Variants in ENTREP2 observed in about 807,000 individuals in gnomAD.
ENTREP2 encodes the protein protein ENTREP2.
chr15:29,375,985 A>G, the ENTREP2 span: 2 of 152,224 alleles, frequency 1.3e-5, no homozygotes, highest in Non-Finnish European at 2.9e-5. Context: ...CAGATCCCTC[A>G]AACAATGTAA....
the ENTREP2 span, among the ~76,000 whole-genome samples, chr15:29,251,485 G>A: frequency 1.3e-5 from 2 of 152,180 alleles, no homozygotes; most frequent in Non-Finnish European, 1.5e-5. Flanking sequence ...TTCGAATGAG[G>A]CCCAACACAA....
chr15:29,217,816 T>A, the ENTREP2 span, among the ~76,000 whole-genome samples: 2 of 151,882 alleles, frequency 1.3e-5, no homozygotes, highest in African/African-American at 4.8e-5. Context: ...TTTTTGGGGG[T>A]GTTAAAGTTT....
chr15:29,331,560 T>G, the ENTREP2 span, among the ~76,000 whole-genome samples: 2 of 152,198 alleles, frequency 1.3e-5, no homozygotes, highest in Non-Finnish European at 2.9e-5. Context: ...TATGTGCAAC[T>G]GACAGAATTA....
the ENTREP2 span, among the ~76,000 whole-genome samples, chr15:29,154,628 A>C: frequency 6.6e-6 from 1 of 152,220 alleles, no homozygotes; most frequent in African/African-American, 2.4e-5. Context: ...AGGGGTTGGC[A>C]AGTGCTCAAG....
At chr15:29,321,649 C>CAAA in the ENTREP2 span, among the ~76,000 whole-genome samples, 1 of 64,376 alleles carries the variant, frequency 1.6e-5, no homozygotes, top group Admixed American at 1.8e-4. Context: ...GACTCTGTCT[C>CAAA]AAAAAAAAAA....
the ENTREP2 span, among the ~76,000 whole-genome samples, chr15:29,595,481 C>T: frequency 1.2e-4 from 18 of 152,234 alleles, 1 homozygote; most frequent in South Asian, 3.5e-3. Context: ...CTGTTTTTCT[C>T]CCTAATGTTC....
At chr15:29,330,067 T>G in the ENTREP2 span, among the ~76,000 whole-genome samples, 2 of 152,164 alleles carry the variant, frequency 1.3e-5, no homozygotes, top group Non-Finnish European at 2.9e-5. Context: ...ACTCCCTCAG[T>G]GATCACCTGG....
the ENTREP2 span, chr15:29,570,431 G>A: frequency 4.1e-6 from 4 of 982,672 alleles, no homozygotes; most frequent in East Asian, 8.3e-5. Flanking sequence ...GTGGCGTCCC[G>A]GCGGCCGCAG....
the ENTREP2 span, among the ~76,000 whole-genome samples, chr15:29,343,253 T>C: frequency 6.6e-6 from 1 of 152,302 alleles, no homozygotes; most frequent in Non-Finnish European, 1.5e-5. Flanking sequence ...AGTCTAGATG[T>C]TGCTGTGGCT....
chr15:29,313,495 A>G, the ENTREP2 span, among the ~76,000 whole-genome samples: 1 of 152,162 alleles, frequency 6.6e-6, no homozygotes, highest in South Asian at 2.1e-4. Flanking sequence ...TGCTAAATCT[A>G]TTTCACCTGT....
chr15:29,558,393 A>C, the ENTREP2 span, among the ~76,000 whole-genome samples: 4 of 151,926 alleles, frequency 2.6e-5, no homozygotes, highest in African/African-American at 9.7e-5. Flanking sequence ...AAACATGCTT[A>C]ATCTCTGCAG....
chr15:29,410,962 T>G, the ENTREP2 span, among the ~76,000 whole-genome samples: 1 of 152,152 alleles, frequency 6.6e-6, no homozygotes, highest in Non-Finnish European at 1.5e-5. Context: ...ATTTTTTTAT[T>G]TTTAGTAGAG....
chr15:29,170,239 T>C, the ENTREP2 span, among the ~76,000 whole-genome samples: 86,235 of 142,656 alleles, frequency 0.6, 27,788 homozygotes, highest in Non-Finnish European at 0.71. Context: ...ACCCGGGAGG[T>C]GGAGCTTGCA....
the ENTREP2 span, among the ~76,000 whole-genome samples, chr15:29,646,441 G>C: frequency 2.5e-4 from 38 of 152,268 alleles, no homozygotes; most frequent in Non-Finnish European, 5.0e-4. Context: ...TCAGCTAGGG[G>C]TGAAGAGCCA....
the ENTREP2 span, among the ~76,000 whole-genome samples, chr15:29,611,399 G>T: frequency 1.3e-5 from 2 of 151,994 alleles, no homozygotes; most frequent in African/African-American, 4.8e-5. Flanking sequence ...TCTTAAAAAA[G>T]AAAAACACTT....
the ENTREP2 span, among the ~76,000 whole-genome samples, chr15:29,482,411 G>A: frequency 6.6e-6 from 1 of 152,060 alleles, no homozygotes; most frequent in Non-Finnish European, 1.5e-5. Context: ...ACATTCTGTG[G>A]GTTTGGACAA....
the ENTREP2 span, among the ~76,000 whole-genome samples, chr15:29,253,616 T>C: frequency 1.3e-5 from 2 of 152,058 alleles, no homozygotes; most frequent in Non-Finnish European, 2.9e-5. Context: ...CTAATTTTTG[T>C]ATTTTTAGTA....
At chr15:29,182,976 G>A in the ENTREP2 span, among the ~76,000 whole-genome samples, 1 of 152,014 alleles carries the variant, frequency 6.6e-6, no homozygotes, top group African/African-American at 2.4e-5. Flanking sequence ...AAACCCCAGG[G>A]GGATTACTGA....
the ENTREP2 span, among the ~76,000 whole-genome samples, chr15:29,584,997 G>GGATAGACAGATAGATA: frequency 3.2e-4 from 48 of 150,710 alleles, no homozygotes; most frequent in African/African-American, 1.1e-3. Context: ...AAAGATCGAT[G>GGATAGACAGATAGATA]GATAGATAGA....
Sources: allele counts gnomAD v4.1 joint callset (sites outside exome capture counted in the v4.1 genomes callset), GRCh38; gene constraint gnomAD v4.1.1; transcripts MANE v1.5; gene names NCBI Gene and HGNC (gene_info 2026-07-23, HGNC 2026-07-21).